The following ZNF185 variants were observed in gnomAD, a reference collection of about 807,000 sequenced individuals.
ZNF185 encodes the protein zinc finger protein 185 with LIM domain.
ZNF185 carries 56 observed loss-of-function variants against 58.6 expected under a neutral mutation model. That is an observed-to-expected ratio of 0.95 (90% confidence interval 0.77 to 1.19). The LOEUF (loss-of-function observed/expected upper bound fraction) is 1.19, where lower values mean the gene tolerates loss of function less well. Among genes scored for constraint, ZNF185 ranks in the 50% most tolerant of loss-of-function variants. The probability of loss-of-function intolerance (pLI) is 0.00; values close to 1 mark genes in which losing one functional copy is unlikely to be tolerated. For synonymous variants in ZNF185, 230 were observed against 215.9 expected (o/e 1.07, Z -0.57); for missense variants, 627 against 573.5 (o/e 1.09, Z -0.95).
chrX:152,920,388 G>C, exon 8 of ZNF185: 1 of 1,211,201 alleles, frequency 8.3e-7, no homozygotes, highest in Non-Finnish European at 1.1e-6. Context: ...CCTACGTCCT[G>C]TCAGCGGCCA....
chrX:152,917,818 G>A, intron 5 of ZNF185: 1 of 1,066,051 alleles, frequency 9.4e-7, no homozygotes, highest in Non-Finnish European at 1.2e-6. Context: ...AAGGCCAAGG[G>A]GACCCGGAAA....
the ZNF185 span, among the ~76,000 whole-genome samples, chrX:152,904,842 G>A: frequency 1.8e-4 from 20 of 112,124 alleles, no homozygotes; most frequent in East Asian, 5.7e-3. Context: ...GGTGATGACC[G>A]GAGGGGCTGC....
intron 22 of ZNF185, 149 bp downstream of exon 24, chrX:152,970,690 C>G: frequency 2.3e-6 from 1 of 444,091 alleles, no homozygotes; most frequent in Non-Finnish European, 3.7e-6. Flanking sequence ...CCTCATGTCC[C>G]TATGCCTTGT....
At chrX:152,914,872 G>A (rs1488986555) in intron 2 of ZNF185, 39 bp downstream of exon 3, 1 of 1,161,566 alleles carries the variant, frequency 8.6e-7, no homozygotes, top group Non-Finnish European at 1.1e-6. Context: ...AGCAACGTGG[G>A]GGCGCGCAAT....
At chrX:152,909,597 C>CGCCACT (rs1212405319), upstream of ZNF185, among the ~76,000 whole-genome samples, 24 of 112,646 alleles carry the variant, frequency 2.1e-4, no homozygotes, top group Admixed American at 6.5e-4. Flanking sequence ...GGGGTGCCAC[C>CGCCACT]GCCACTGCCA....
At chrX:152,927,731 A>G (rs1362036595) in intron 11 of ZNF185, among the ~76,000 whole-genome samples, 1 of 112,293 alleles carries the variant, frequency 8.9e-6, no homozygotes, top group Non-Finnish European at 1.9e-5. Context: ...GTCAGTTTCC[A>G]TGCCTCTCTG....
intron 16 of ZNF185, among the ~76,000 whole-genome samples, chrX:152,957,435 A>G (rs781830948): frequency 5.2e-4 from 58 of 111,841 alleles, no homozygotes; most frequent in Non-Finnish European, 8.3e-4. Flanking sequence ...AAAGGGCAAA[A>G]CCTTAACTAC....
chrX:152,918,353 C>A (rs1398849038), intron 6 of ZNF185, among the ~76,000 whole-genome samples, 199 bp downstream of exon 7: 2 of 113,128 alleles, frequency 1.8e-5, no homozygotes, highest in Admixed American at 9.3e-5. Context: ...GATGGCTGTG[C>A]ACATTGCACG....
intron 16 of ZNF185, among the ~76,000 whole-genome samples, chrX:152,958,837 C>T (rs2049133512): frequency 8.9e-6 from 1 of 112,207 alleles, no homozygotes; most frequent in African/African-American, 3.2e-5. Flanking sequence ...GTGAAAACTA[C>T]GCGGTCACAA....
chrX:152,956,744 C>T (rs1475559677), intron 16 of ZNF185, among the ~76,000 whole-genome samples: 2 of 110,814 alleles, frequency 1.8e-5, no homozygotes, highest in East Asian at 5.5e-4. Context: ...AGTCTCAAAA[C>T]AAAACAAAAC....
chrX:152,962,785 C>T (rs1252370259), intron 17 of ZNF185, among the ~76,000 whole-genome samples: 1 of 112,618 alleles, frequency 8.9e-6, no homozygotes, highest in Non-Finnish European at 1.9e-5. Flanking sequence ...AGGGGAACTG[C>T]AGGCTGGTCT....
intron 16 of ZNF185, among the ~76,000 whole-genome samples, chrX:152,949,139 C>A (rs1160034253): frequency 3.6e-5 from 4 of 111,840 alleles, no homozygotes; most frequent in African/African-American, 1.3e-4. Context: ...GAGTATGTGA[C>A]CCCTCCTGGC....
intron 16 of ZNF185, among the ~76,000 whole-genome samples, chrX:152,947,533 C>T (rs2047903971): frequency 8.9e-6 from 1 of 112,005 alleles, no homozygotes; most frequent in African/African-American, 3.2e-5. Context: ...GAGAGATGCA[C>T]AGAGATGAGA....
At chrX:152,902,640 G>A in the ZNF185 span, among the ~76,000 whole-genome samples, 1 of 112,777 alleles carries the variant, frequency 8.9e-6, no homozygotes, top group Non-Finnish European at 1.9e-5. Flanking sequence ...GCAACATTCC[G>A]CTAGGCCGAT....
intron 16 of ZNF185, among the ~76,000 whole-genome samples, chrX:152,949,287 A>C (rs782503403): frequency 8.9e-6 from 1 of 112,628 alleles, no homozygotes; most frequent in South Asian, 3.7e-4. Context: ...GGCCCTACCT[A>C]GGCTGGCCTG....
intron 17 of ZNF185, among the ~76,000 whole-genome samples, chrX:152,962,745 C>T (rs2049658527): frequency 8.9e-6 from 1 of 112,339 alleles, no homozygotes; most frequent in Non-Finnish European, 1.9e-5. Context: ...GTGATATTGT[C>T]TGCAAAGGCA....
At chrX:152,911,735 CCATCA>C (rs1326430625), upstream of ZNF185, among the ~76,000 whole-genome samples, 3 of 41,243 alleles carry the variant, frequency 7.3e-5, no homozygotes, top group South Asian at 1.8e-3. Context: ...CCATCCCATC[CCATCA>C]CATCCATCCC....
the ZNF185 span, among the ~76,000 whole-genome samples, chrX:152,899,450 C>A: frequency 8.8e-6 from 1 of 113,103 alleles, no homozygotes; most frequent in Non-Finnish European, 1.9e-5. Flanking sequence ...CGCTGTTCCC[C>A]TCATCGCTCC....
intron 5 of ZNF185, 171 bp from the exon 7 acceptor site, chrX:152,917,894 C>T: frequency 9.2e-7 from 1 of 1,086,380 alleles, no homozygotes; most frequent in Non-Finnish European, 1.2e-6. Flanking sequence ...GGTTTGCCTA[C>T]ACAGCTGCTC....
Sources: allele counts gnomAD v4.1 joint callset (sites outside exome capture counted in the v4.1 genomes callset), GRCh38; gene constraint gnomAD v4.1.1; transcripts MANE v1.5; gene names NCBI Gene and HGNC (gene_info 2026-07-23, HGNC 2026-07-21).